Variants in NBAS observed in about 807,000 individuals in gnomAD.
The protein encoded by NBAS is NBAS subunit of NRZ tethering complex, also known as NAG/BC035112 fusion.
NBAS carries 219 observed loss-of-function variants against 302.5 expected under a neutral mutation model. The observed-to-expected ratio is 0.72, with a 90% CI of 0.65 to 0.81. The LOEUF is 0.81. NBAS is among the 30% of genes least tolerant of loss of function. The probability of loss-of-function intolerance (pLI) is 0.00; values close to 1 mark genes in which losing one functional copy is unlikely to be tolerated. For synonymous variants in NBAS, 1,118 were observed against 1,021.6 expected, an observed-to-expected ratio of 1.09 and a Z score of -1.80; for missense variants, 2,932 against 2,841.6, an observed-to-expected ratio of 1.03 and a Z score of -0.72.
At chr2:15,139,937 A>T in the NBAS span, among the ~76,000 whole-genome samples, 1 of 152,136 alleles carries the variant, frequency 6.6e-6, no homozygotes, top group Non-Finnish European at 1.5e-5. Flanking sequence ...TGTGACTTTG[A>T]CATTCTTCCC....
the NBAS span, among the ~76,000 whole-genome samples, chr2:15,143,991 T>G: frequency 5.5e-5 from 8 of 145,236 alleles, no homozygotes; most frequent in African/African-American, 2.1e-4. Flanking sequence ...TAGCCCCTTG[T>G]GGGACCTTGT....
the NBAS span, among the ~76,000 whole-genome samples, chr2:14,891,964 G>A: frequency 2.0e-5 from 3 of 152,110 alleles, no homozygotes; most frequent in Non-Finnish European, 2.9e-5. Context: ...ATTATTTCCT[G>A]GCCAAAACCA....
At chr2:15,306,607 C>T (rs1417615992) in intron 40 of NBAS, among the ~76,000 whole-genome samples, 2 of 152,126 alleles carry the variant, frequency 1.3e-5, no homozygotes, top group Non-Finnish European at 2.9e-5. Flanking sequence ...AAATTATTTC[C>T]TTACATAAAA....
the NBAS span, among the ~76,000 whole-genome samples, chr2:14,943,519 G>T: frequency 0.016 from 2,387 of 152,230 alleles, 74 homozygotes; most frequent in African/African-American, 0.054. Flanking sequence ...TATAATATTT[G>T]GAAGAAAACA....
At chr2:15,431,270 C>T (rs1390973929) in intron 21 of NBAS, among the ~76,000 whole-genome samples, 1 of 152,092 alleles carries the variant, frequency 6.6e-6, no homozygotes, top group Non-Finnish European at 1.5e-5. Context: ...TAGGTTTGAT[C>T]ACTCATGTTC....
At chr2:14,808,442 G>C in the NBAS span, among the ~76,000 whole-genome samples, 17 of 152,162 alleles carry the variant, frequency 1.1e-4, no homozygotes, top group Non-Finnish European at 1.8e-4. Flanking sequence ...ATTGAATCCT[G>C]GGGGCGGGTA....
the NBAS span, among the ~76,000 whole-genome samples, chr2:15,110,314 C>T: frequency 7.9e-5 from 12 of 152,204 alleles, no homozygotes; most frequent in East Asian, 5.8e-4. Flanking sequence ...GTAGCCTTCC[C>T]TTTCACAGAC....
At chr2:15,159,285 G>A in the NBAS span, among the ~76,000 whole-genome samples, 285 of 152,284 alleles carry the variant, frequency 1.9e-3, 5 homozygotes, top group African/African-American at 6.5e-3. Context: ...GGCCTATGCT[G>A]TCCAGAGCCC....
chr2:15,117,609 C>T, the NBAS span, among the ~76,000 whole-genome samples: 1 of 152,244 alleles, frequency 6.6e-6, no homozygotes, highest in Non-Finnish European at 1.5e-5. Context: ...TGCAGACCTT[C>T]TCAGAGCCTT....
At chr2:15,034,021 GAAGAAGAGGAGGAGGA>G in the NBAS span, among the ~76,000 whole-genome samples, 82 of 47,758 alleles carry the variant, frequency 1.7e-3, 3 homozygotes, top group African/African-American at 0.011. Flanking sequence ...AGAAGAAGAA[GAAGAAGAGGAGGAGGA>G]AGGAGGAGGA....
chr2:14,847,325 G>A, the NBAS span, among the ~76,000 whole-genome samples: 1 of 142,376 alleles, frequency 7.0e-6, no homozygotes, highest in Non-Finnish European at 1.5e-5. Context: ...GGAGCTTGCA[G>A]TGAGCCAAGA....
chr2:15,383,191 A>C, intron 29 of NBAS, 24 bp downstream of exon 29: 1 of 1,584,372 alleles, frequency 6.3e-7, no homozygotes, highest in East Asian at 2.2e-5. Flanking sequence ...ATTAAAAAAA[A>C]ATCGTATATG....
chr2:15,224,320 A>T (rs1225138761), intron 47 of NBAS, among the ~76,000 whole-genome samples: 1 of 152,234 alleles, frequency 6.6e-6, no homozygotes, highest in African/African-American at 2.4e-5. Context: ...TCAGTAAGAG[A>T]GTTTTCAGGT....
chr2:15,492,627 T>C (rs1305625834), intron 11 of NBAS, among the ~76,000 whole-genome samples: 1 of 152,044 alleles, frequency 6.6e-6, no homozygotes, highest in African/African-American at 2.4e-5. Context: ...TGGCTAACTT[T>C]TGTATTTTTT....
chr2:15,140,189 C>T, the NBAS span, among the ~76,000 whole-genome samples: 441 of 152,288 alleles, frequency 2.9e-3, 1 homozygote, highest in African/African-American at 9.8e-3. Context: ...CAGTGAATAG[C>T]CCGCCTCAAC....
intron 47 of NBAS, among the ~76,000 whole-genome samples, chr2:15,221,567 C>G (rs1019569368): frequency 6.6e-6 from 1 of 152,112 alleles, no homozygotes; most frequent in African/African-American, 2.4e-5. Flanking sequence ...GACTATTATC[C>G]AAATTACTAA....
rs535788745 is a variant in NBAS, at chr2:15,407,201, A to C, written c.2938-4900T>G. ...TTATTAGATTTAGATTTATATCCAT[A>C]TGTGGCTAGTGACTACCATTTTGAA... On this transcript the variant is annotated intron_variant, in intron 25 of 51. Coordinates refer to ENST00000281513, the MANE Select transcript of NBAS (RefSeq NM_015909.4). Among the ~76,000 whole-genome samples, 5 of 152,354 alleles carry C rather than the reference A, an allele frequency of 3.3e-5. No individual in the cohort carries two copies. In the South Asian group the frequency reaches 1.0e-3, roughly 32 times the overall value.
chr2:15,220,105 A>ACGGGGCGGCTGGC (rs1666876247), intron 47 of NBAS, among the ~76,000 whole-genome samples: 1 of 132,802 alleles, frequency 7.5e-6, no homozygotes, highest in South Asian at 2.6e-4. Flanking sequence ...TCCCTCCTGG[A>ACGGGGCGGCTGGC]CGGGGCGGCT....
At chr2:15,401,649 A>G (rs1676156793) in intron 26 of NBAS, among the ~76,000 whole-genome samples, 1 of 152,162 alleles carries the variant, frequency 6.6e-6, no homozygotes, top group African/African-American at 2.4e-5. Context: ...TTCCAAAGAA[A>G]ACATACAAAT....
Sources: gnomAD v4.1 joint callset for allele counts (sites outside exome capture counted in the v4.1 genomes callset) on GRCh38, gnomAD v4.1.1 for gene constraint, MANE v1.5 for transcripts, NCBI Gene and HGNC (gene_info 2026-07-23, HGNC 2026-07-21) for gene names.